DNMBP: variants seen among roughly 807,000 people sequenced by gnomAD.
DNMBP encodes dynamin-binding protein.
In DNMBP, 87 loss-of-function variants were observed where a neutral mutation model predicts 150.0. The ratio of observed to expected loss-of-function variants is 0.58; its 90% CI spans 0.49 to 0.69. DNMBP has a LOEUF of 0.69. DNMBP is among the 30% of genes least tolerant of loss of function. The pLI is 0.00. For synonymous variants in DNMBP, 711 were observed against 750.4 expected (o/e 0.95, Z 0.86); for missense variants, 1,774 against 1,949.0 (o/e 0.91, Z 1.69).
At chr10:99,931,223 G>T (rs1408055717) in intron 4 of DNMBP, among the ~76,000 whole-genome samples, 2 of 152,086 alleles carry the variant, frequency 1.3e-5, no homozygotes, top group African/African-American at 4.8e-5. Flanking sequence ...AGCCACCAGG[G>T]GTATAAACAA....
At chr10:99,983,626 G>A (rs1238687576) in intron 1 of DNMBP, among the ~76,000 whole-genome samples, 2 of 152,162 alleles carry the variant, frequency 1.3e-5, no homozygotes, top group Admixed American at 6.5e-5. Context: ...CTTCAACAGC[G>A]GCCTCCTACC....
intron 11 of DNMBP, among the ~76,000 whole-genome samples, chr10:99,891,772 G>C (rs554634211): frequency 3.3e-5 from 5 of 150,574 alleles, no homozygotes; most frequent in Non-Finnish European, 7.4e-5. Context: ...AGTGAGGAGC[G>C]TCTCTGCCCG....
chr10:99,959,153 AT>A (rs202242266), intron 3 of DNMBP, among the ~76,000 whole-genome samples: 14 of 151,790 alleles, frequency 9.2e-5, no homozygotes, highest in Admixed American at 6.6e-4. Context: ...TTCCTCATTA[AT>A]TTTTTTTTGT....
At chr10:99,978,163 T>C (rs140878681) in intron 1 of DNMBP, among the ~76,000 whole-genome samples, 5 of 152,304 alleles carry the variant, frequency 3.3e-5, no homozygotes, top group African/African-American at 1.2e-4. Flanking sequence ...ATTTACTCAA[T>C]CTCTTTAGCT....
intron 11 of DNMBP, 43 bp from the exon 12 acceptor site, chr10:99,888,996 T>C (rs1369615160): frequency 6.2e-7 from 1 of 1,605,864 alleles, no homozygotes; most frequent in African/African-American, 1.3e-5. Context: ...CAGACAGAAC[T>C]TTCCAGCTTT....
chr10:99,885,641 C>T (rs1415827956), intron 14 of DNMBP, 46 bp downstream of exon 14: 2 of 1,515,526 alleles, frequency 1.3e-6, no homozygotes, highest in Non-Finnish European at 1.8e-6. Context: ...CAGGGTTCCC[C>T]CTCTTTACCC....
chr10:99,884,881 G>GT (rs1323245853), intron 14 of DNMBP, among the ~76,000 whole-genome samples: 1 of 151,948 alleles, frequency 6.6e-6, no homozygotes, highest in African/African-American at 2.4e-5. Flanking sequence ...TCCAGCCTGG[G>GT]TGACAGAGCA....
chr10:99,884,610 A>G (rs898507562), intron 14 of DNMBP, among the ~76,000 whole-genome samples: 1 of 152,166 alleles, frequency 6.6e-6, no homozygotes, highest in Non-Finnish European at 1.5e-5. Context: ...ATAAGAAAAA[A>G]GGTAATAATA....
chr10:99,939,836 G>C (rs1364924173), intron 4 of DNMBP, among the ~76,000 whole-genome samples: 1 of 152,190 alleles, frequency 6.6e-6, no homozygotes, highest in Non-Finnish European at 1.5e-5. Context: ...GCATTTCTGA[G>C]GACTGATGGC....
At chr10:99,941,396 G>C (rs190231031) in intron 4 of DNMBP, among the ~76,000 whole-genome samples, 1 of 151,956 alleles carries the variant, frequency 6.6e-6, no homozygotes, top group African/African-American at 2.4e-5. Context: ...AAATGTGGTT[G>C]CTACTTGCAA....
chr10:99,982,591 A>C (rs528754269), intron 1 of DNMBP, among the ~76,000 whole-genome samples: 56 of 152,180 alleles, frequency 3.7e-4, no homozygotes, highest in Non-Finnish European at 6.9e-4. Context: ...GGTTTAAAAA[A>C]AATTTAGAAA....
chr10:99,896,182 C>A, intron 10 of DNMBP, 85 bp downstream of exon 10: 1 of 1,490,452 alleles, frequency 6.7e-7, no homozygotes, highest in Non-Finnish European at 9.1e-7. Context: ...AAGGGAACCA[C>A]GCCAATTGAC....
At chr10:99,948,183 G>A (rs957524790) in intron 4 of DNMBP, among the ~76,000 whole-genome samples, 2 of 152,076 alleles carry the variant, frequency 1.3e-5, no homozygotes, top group African/African-American at 4.8e-5. Flanking sequence ...ATCATATCAC[G>A]ACATTGTGGC....
chr10:99,892,767 TA>T (rs994289239), intron 11 of DNMBP, among the ~76,000 whole-genome samples: 21 of 150,322 alleles, frequency 1.4e-4, no homozygotes, highest in South Asian at 2.1e-4. Context: ...AAAAATAAAT[TA>T]AAAAAAAATA....
intron 4 of DNMBP, among the ~76,000 whole-genome samples, chr10:99,925,772 T>A (rs928508905): frequency 7.2e-5 from 11 of 152,178 alleles, no homozygotes; most frequent in African/African-American, 2.4e-4. Flanking sequence ...TCTATACACA[T>A]ACACATACAC....
At chr10:99,988,098 AGTT>A (rs1381271037) in intron 1 of DNMBP, among the ~76,000 whole-genome samples, 3 of 152,106 alleles carry the variant, frequency 2.0e-5, no homozygotes, top group Non-Finnish European at 4.4e-5. Flanking sequence ...AATCATGAAT[AGTT>A]GTTGAATTTT....
intron 9 of DNMBP, 99 bp downstream of exon 9, chr10:99,897,987 C>T: frequency 1.0e-6 from 1 of 989,330 alleles, no homozygotes; most frequent in South Asian, 1.4e-5. Flanking sequence ...TTATACCTAC[C>T]ACCTGCCTTG....
At position 99,971,833 on chromosome 10, in the gene DNMBP, T is replaced by A. The variant is rs1259546656; in HGVS notation, c.145+147A>T. The A allele has an allele frequency of 1.1e-5, 10 of 895,516 alleles. No homozygotes were observed. In the African/African-American group the frequency reaches 1.5e-4, roughly 14 times the overall value. The allele number at this position is 895,516 out of a possible 1,614,324, so 55.5% of individuals were successfully genotyped here. A position where few individuals can be genotyped will look rare whatever the true frequency, so the allele number is the denominator to read the frequency against. Reference sequence around the variant, plus strand: ...ATGAGCCACTGTGCCCAGCTAGGAATAATTTTCTTTCTTTCTTTCTTTCTT... The same window carrying A: ...ATGAGCCACTGTGCCCAGCTAGGAAAAATTTTCTTTCTTTCTTTCTTTCTT... On this transcript the variant is annotated intron_variant, in intron 2 of 16. Transcript: ENST00000324109.
chr10:99,989,753 T>C (rs547792632), intron 1 of DNMBP, among the ~76,000 whole-genome samples: 26 of 152,228 alleles, frequency 1.7e-4, no homozygotes, highest in African/African-American at 5.3e-4. Context: ...TGGAAGACTA[T>C]AGGATTCAAC....
Sources: gnomAD v4.1 joint callset for allele counts (sites outside exome capture counted in the v4.1 genomes callset) on GRCh38, gnomAD v4.1.1 for gene constraint, MANE v1.5 for transcripts, NCBI Gene and HGNC (gene_info 2026-07-23, HGNC 2026-07-21) for gene names.